The following IQGAP1 variants were observed in gnomAD, a reference collection of about 807,000 sequenced individuals.
The protein encoded by IQGAP1 is IQ motif containing GTPase activating protein 1, also known as ras GTPase-activating-like protein IQGAP1.
In IQGAP1, 66 loss-of-function variants were observed where a neutral mutation model predicts 215.6. The observed-to-expected ratio is 0.31, with a 90% confidence interval of 0.25 to 0.38. IQGAP1 has a LOEUF of 0.38. Among genes scored for constraint, IQGAP1 ranks in the 10% least tolerant of loss-of-function variants. The probability of loss-of-function intolerance (pLI) is 1.00; values close to 1 mark genes in which losing one functional copy is unlikely to be tolerated. For synonymous variants in IQGAP1, 772 were observed against 728.7 expected, an observed-to-expected ratio of 1.06 and a Z score of -0.96; for missense variants, 1,712 against 1,997.1, an observed-to-expected ratio of 0.86 and a Z score of 2.72.
In IQGAP1 at chr15:90,491,441, C is replaced by A. The variant is rs1966203217; in HGVS notation, c.4357C>A (p.Gln1453Lys). ...SVKEDSNLTL[Q>K]EKKEKIQTGL... is the part of the protein sequence containing the mutation. ...AAAGGAAGACAGCAACCTCACTCTTCAAGAGAAGAAAGAGAAGATCCAGAC... is the reference window on the plus strand; with the variant it reads ...AAAGGAAGACAGCAACCTCACTCTTAAAGAGAAGAAAGAGAAGATCCAGAC... The change falls in exon 34 of 38, where the codon CAA (glutamine) becomes AAA (lysine). Residue 1453 changes from glutamine to lysine, a missense_variant. Gln to Lys is a moderately conservative substitution (Grantham distance 53, BLOSUM62 1). This residue lies in a region of IQGAP1 where 691 missense variants were observed against 923.0 expected (regional missense o/e 0.75). Coordinates refer to ENST00000268182, the MANE Select transcript of IQGAP1 (RefSeq NM_003870.4). The A allele has an allele frequency of 6.2e-7, 1 of 1,613,982 alleles. No homozygotes were observed. Among genetic ancestry groups the A allele is most frequent in the African/African-American group, 1.3e-5 (1 of 74,888 alleles).
At chr15:90,429,849 A>T (rs1377956965) in intron 4 of IQGAP1, 183 bp downstream of exon 4, 2 of 434,106 alleles carry the variant, frequency 4.6e-6, no homozygotes, top group East Asian at 7.3e-5. Flanking sequence ...TATAATCCTC[A>T]TACCTGTTTC....
intron 2 of IQGAP1, among the ~76,000 whole-genome samples, chr15:90,395,441 C>A (rs886119452): frequency 6.6e-6 from 1 of 152,138 alleles, no homozygotes; most frequent in Non-Finnish European, 1.5e-5. Context: ...CTGGCTCAGC[C>A]TCCCGAGTAG....
At chr15:90,489,913 T>C (rs896573232) in intron 33 of IQGAP1, among the ~76,000 whole-genome samples, 3 of 152,198 alleles carry the variant, frequency 2.0e-5, no homozygotes, top group Non-Finnish European at 2.9e-5. Flanking sequence ...TTCATCCTTA[T>C]TTTGCAGATG....
Position 90,388,318 on chromosome 15 carries a change from A to C in IQGAP1, c.-24A>C. ...GCCTCCAAGGTTTCACGGCTTCCTC[A>C]GCAGAGACTCGGGCTCGTCCGCCAT... On this transcript the variant is annotated 5_prime_UTR_variant, in exon 1 of 38. Transcript: ENST00000268182. 3 of 1,597,624 alleles carry C rather than the reference A, an allele frequency of 1.9e-6. No homozygotes were observed. The highest frequency in any genetic ancestry group is 2.6e-6 in the Non-Finnish European group (3 of 1,173,486).
intron 2 of IQGAP1, among the ~76,000 whole-genome samples, chr15:90,404,578 A>G (rs1301342600): frequency 6.6e-6 from 1 of 152,068 alleles, no homozygotes; most frequent in Non-Finnish European, 1.5e-5. Context: ...CGTGGGTGTT[A>G]TAAATATTCA....
chr15:90,455,695 T>A (rs1158989946), intron 14 of IQGAP1, among the ~76,000 whole-genome samples: 1 of 152,254 alleles, frequency 6.6e-6, no homozygotes, highest in Non-Finnish European at 1.5e-5. Context: ...CTTCTGCCAT[T>A]TGTTTGCTGT....
In IQGAP1 at chr15:90,446,712, C is replaced by T. The variant is rs367571410; in HGVS notation, c.914-1861C>T. ...GATAAGATTCTTTGCCTAGAGCATT[C>T]GAAACAGCAATGAGGCCATTGATGC... is the stretch of plus-strand genomic sequence containing the variant. On this transcript the variant is annotated intron_variant, in intron 9 of 37. Coordinates refer to ENST00000268182, the MANE Select transcript of IQGAP1 (RefSeq NM_003870.4). 4.2e-4 allele frequency among the ~76,000 whole-genome samples: 64 copies of T among 152,212 alleles called. No homozygotes were observed. In the South Asian group the frequency reaches 0.012, roughly 28 times the overall value.
At chr15:90,420,875 G>C (rs540460848) in intron 2 of IQGAP1, among the ~76,000 whole-genome samples, 1 of 152,170 alleles carries the variant, frequency 6.6e-6, no homozygotes, top group African/African-American at 2.4e-5. Context: ...TTTATAGGCC[G>C]GGCACAGTGG....
chr15:90,471,287 C>A (rs893255155), intron 18 of IQGAP1, among the ~76,000 whole-genome samples: 1 of 152,066 alleles, frequency 6.6e-6, no homozygotes, highest in Non-Finnish European at 1.5e-5. Context: ...TCATTCTTAG[C>A]ATGTGGCTTC....
chr15:90,487,042 G>A lies in IQGAP1; in HGVS notation c.4113G>A (p.Val1371=), dbSNP rs1238641604. Residue 1371 remains valine (V), a synonymous_variant, in exon 32 of 38, where the codon GTG becomes GTA. Transcript: ENST00000268182. ...TCACCCTGACCAACAAGTTCGACGTGCCTGGAGATGAGAATGCAGAAATGG... is the reference window on the plus strand; with the variant it reads ...TCACCCTGACCAACAAGTTCGACGTACCTGGAGATGAGAATGCAGAAATGG... The part of the protein sequence containing the change: ...VSLTLTNKFD[V]PGDENAEMDA... 5 of 1,614,128 alleles carry A rather than the reference G, an allele frequency of 3.1e-6. No homozygotes were observed. The highest frequency in any genetic ancestry group is 1.1e-5 in the South Asian group (1 of 91,076).
At chr15:90,447,411 T>G (rs1402414975) in intron 9 of IQGAP1, among the ~76,000 whole-genome samples, 1 of 152,236 alleles carries the variant, frequency 6.6e-6, no homozygotes, top group African/African-American at 2.4e-5. Context: ...TTATTTTCCC[T>G]TGGGCTGTTT....
At position 90,477,346 on chromosome 15, in the gene IQGAP1, TACTCTA is replaced by T. The variant is rs1965993987; in HGVS notation, c.3104+118_3104+123del. 3 of 881,842 alleles carry T rather than the reference TACTCTA, an allele frequency of 3.4e-6. No homozygotes were observed. The African/African-American group carries it at 5.1e-5, about 15-fold the overall frequency. The allele number at this position is 881,842 out of a possible 1,614,324, so 54.6% of individuals were successfully genotyped here. On this transcript the variant is annotated intron_variant, in intron 25 of 37. Coordinates refer to ENST00000268182, the MANE Select transcript of IQGAP1 (RefSeq NM_003870.4). The stretch of plus-strand genomic sequence containing the variant: ...TCTCAATTAATTTATGAAAAATACT[TACTCTA>T]AAGAAGCATCTAATTTTTAAATAAC...
At chr15:90,440,807 G>C (rs1158889348) in intron 7 of IQGAP1, among the ~76,000 whole-genome samples, 192 bp downstream of exon 7, 1 of 152,206 alleles carries the variant, frequency 6.6e-6, no homozygotes, top group African/African-American at 2.4e-5. Context: ...TAAAGTGAAA[G>C]CATTTAGAAA....
intron 33 of IQGAP1, among the ~76,000 whole-genome samples, chr15:90,490,630 T>G (rs764858207): frequency 6.6e-6 from 1 of 152,174 alleles, no homozygotes; most frequent in Non-Finnish European, 1.5e-5. Context: ...TCTTGTTGTA[T>G]TAGTATAGTT....
At chr15:90,456,441 C>T (rs1965681448) in intron 15 of IQGAP1, 126 bp downstream of exon 15, 1 of 844,980 alleles carries the variant, frequency 1.2e-6, no homozygotes, top group Admixed American at 2.8e-5. Flanking sequence ...AGATTCAAAG[C>T]ACTGGAGGGA....
At chr15:90,431,520 G>A (rs752887628) in intron 4 of IQGAP1, among the ~76,000 whole-genome samples, 2 of 152,126 alleles carry the variant, frequency 1.3e-5, no homozygotes, top group Non-Finnish European at 2.9e-5. Context: ...TGCTAGTAGT[G>A]TTGTTACTAC....
chr15:90,467,686 C>A, intron 18 of IQGAP1, 94 bp downstream of exon 18: 1 of 1,305,384 alleles, frequency 7.7e-7, no homozygotes, highest in South Asian at 1.6e-5. Context: ...GGTCAGAAGC[C>A]CTAGACTAAA....
intron 2 of IQGAP1, among the ~76,000 whole-genome samples, chr15:90,410,132 G>A (rs184185451): frequency 2.6e-5 from 4 of 152,290 alleles, no homozygotes; most frequent in African/African-American, 4.8e-5. Flanking sequence ...TTCTTTTGCT[G>A]TGCAGAAGCT....
chr15:90,459,347 TAA>T (rs1477881007), intron 15 of IQGAP1, among the ~76,000 whole-genome samples: 2 of 152,218 alleles, frequency 1.3e-5, no homozygotes, highest in African/African-American at 4.8e-5. Flanking sequence ...ACAAACATTT[TAA>T]AAGATGAGTT....
Sources: allele counts gnomAD v4.1 joint callset (sites outside exome capture counted in the v4.1 genomes callset), GRCh38; gene constraint gnomAD v4.1.1; regional missense constraint gnomAD v4.1.1; transcripts MANE v1.5; gene names NCBI Gene and HGNC (gene_info 2026-07-23, HGNC 2026-07-21).